NREP: variants seen among roughly 807,000 people sequenced by gnomAD.
NREP encodes neuronal regeneration related protein.
A neutral mutation model predicts 8.6 loss-of-function variants in NREP; 5 were observed. The ratio of observed to expected loss-of-function variants is 0.58; its 90% CI spans 0.30 to 1.22. NREP has a LOEUF of 1.22. Ranked by LOEUF, NREP falls within the 50% of genes most tolerant of loss-of-function variation. The probability of loss-of-function intolerance (pLI) is 0.07; values close to 1 mark genes in which losing one functional copy is unlikely to be tolerated. For missense variants in NREP, 86 were observed against 82.5 expected, an observed-to-expected ratio of 1.04 and a Z score of -0.17; for synonymous variants, 27 against 28.0, an observed-to-expected ratio of 0.96 and a Z score of 0.11.
intron 2 of NREP, among the ~76,000 whole-genome samples, chr5:111,788,090 C>T (rs1031361939): frequency 6.6e-6 from 1 of 151,974 alleles, no homozygotes; most frequent in Non-Finnish European, 1.5e-5. Context: ...GACCCTATCT[C>T]AACAACAACA....
At chr5:111,843,923 A>G (rs1753094236) in intron 2 of NREP, among the ~76,000 whole-genome samples, 1 of 152,242 alleles carries the variant, frequency 6.6e-6, no homozygotes, top group East Asian at 1.9e-4. Flanking sequence ...AAATCTGAAC[A>G]GCCTAAGTTA....
At chr5:111,959,621 A>G (rs192509160) in intron 2 of NREP, among the ~76,000 whole-genome samples, 25 of 152,148 alleles carry the variant, frequency 1.6e-4, no homozygotes, top group Admixed American at 7.2e-4. Context: ...TTTTTGACCT[A>G]TGGTCAAAAT....
chr5:111,831,278 T>A (rs1198409548), intron 2 of NREP, among the ~76,000 whole-genome samples: 1 of 152,184 alleles, frequency 6.6e-6, no homozygotes, highest in Non-Finnish European at 1.5e-5. Context: ...TCTTGGTGGC[T>A]ATCAGTGGTT....
intron 2 of NREP, among the ~76,000 whole-genome samples, chr5:111,796,364 G>T (rs546519327): frequency 1.3e-5 from 2 of 152,248 alleles, no homozygotes; most frequent in South Asian, 4.2e-4. Flanking sequence ...AGCTTTACCA[G>T]ATGTACAAAG....
intron 2 of NREP, among the ~76,000 whole-genome samples, chr5:111,821,106 A>G (rs1752504604): frequency 6.6e-6 from 1 of 152,304 alleles, no homozygotes; most frequent in South Asian, 2.1e-4. Context: ...CCACCAGACT[A>G]GATGTTAGCC....
chr5:111,748,529 T>A (rs1750152334), intron 2 of NREP, among the ~76,000 whole-genome samples: 1 of 152,144 alleles, frequency 6.6e-6, no homozygotes, highest in African/African-American at 2.4e-5. Context: ...AGATCCTAGT[T>A]AGGTATGGGA....
intron 2 of NREP, among the ~76,000 whole-genome samples, chr5:111,961,802 A>C (rs936599690): frequency 6.6e-6 from 1 of 152,238 alleles, no homozygotes; most frequent in Non-Finnish European, 1.5e-5. Context: ...GCAACAACAT[A>C]AACACATGAA....
chr5:111,732,435 C>A (rs1014729854), intron 3 of NREP: 11 of 151,764 alleles, frequency 7.2e-5, no homozygotes, highest in Admixed American at 3.3e-4. Context: ...ACATATATAA[C>A]CATGATGTAC....
chr5:111,833,053 C>T (rs1752811707), intron 2 of NREP, among the ~76,000 whole-genome samples: 2 of 152,226 alleles, frequency 1.3e-5, no homozygotes, highest in South Asian at 4.1e-4. Flanking sequence ...GACTGTACTA[C>T]TTGTGCAGAA....
At chr5:111,737,397 C>A (rs1749224335) in intron 2 of NREP, among the ~76,000 whole-genome samples, 2 of 152,084 alleles carry the variant, frequency 1.3e-5, no homozygotes, top group Non-Finnish European at 2.9e-5. Context: ...CTTTAAAAAT[C>A]ATATTTCAAG....
intron 2 of NREP, among the ~76,000 whole-genome samples, chr5:111,960,975 G>A (rs938712806): frequency 1.8e-4 from 27 of 152,156 alleles, no homozygotes; most frequent in Admixed American, 4.6e-4. Flanking sequence ...AACATTTATT[G>A]AGTCATAAAA....
intron 2 of NREP, among the ~76,000 whole-genome samples, chr5:111,877,627 C>T (rs535347355): frequency 1.3e-5 from 2 of 152,300 alleles, no homozygotes; most frequent in East Asian, 3.9e-4. Context: ...AAATATTTTA[C>T]AAAACTCAGC....
intron 2 of NREP, among the ~76,000 whole-genome samples, chr5:111,778,630 C>T (rs983818940): frequency 6.6e-6 from 1 of 152,080 alleles, no homozygotes; most frequent in African/African-American, 2.4e-5. Flanking sequence ...GTATTTCACT[C>T]CATTTCTTGG....
intron 2 of NREP, among the ~76,000 whole-genome samples, chr5:111,943,125 G>C (rs974509493): frequency 6.6e-6 from 1 of 151,736 alleles, no homozygotes; most frequent in Non-Finnish European, 1.5e-5. Context: ...ATGACAACTG[G>C]CTCCTCTTTT....
At chr5:111,900,134 C>T (rs1373230679) in intron 2 of NREP, among the ~76,000 whole-genome samples, 9 of 151,738 alleles carry the variant, frequency 5.9e-5, no homozygotes, top group Non-Finnish European at 2.9e-5. Flanking sequence ...AAATTAATAA[C>T]AAGAGAAACT....
At chr5:111,810,732 G>A (rs1435115644) in intron 2 of NREP, among the ~76,000 whole-genome samples, 1 of 152,180 alleles carries the variant, frequency 6.6e-6, no homozygotes, top group Non-Finnish European at 1.5e-5. Context: ...AAAAGTGAAT[G>A]AGCATCTTGC....
At chr5:111,914,570 C>T (rs1754998372) in intron 2 of NREP, among the ~76,000 whole-genome samples, 3 of 152,132 alleles carry the variant, frequency 2.0e-5, no homozygotes, top group Admixed American at 2.0e-4. Flanking sequence ...GGAAACCGGA[C>T]ACAGCAGTAG....
intron 2 of NREP, among the ~76,000 whole-genome samples, chr5:111,871,958 T>A (rs540289433): frequency 3.3e-4 from 49 of 150,078 alleles, no homozygotes; most frequent in Admixed American, 1.1e-3. Context: ...CATTAGCATA[T>A]ATGTGTGCTT....
intron 2 of NREP, among the ~76,000 whole-genome samples, chr5:111,877,791 G>T (rs1468090974): frequency 6.6e-6 from 1 of 151,218 alleles, no homozygotes; most frequent in Non-Finnish European, 1.5e-5. Context: ...GACTCTAAAG[G>T]GGCCCTAATT....
Sources: allele counts gnomAD v4.1 joint callset (sites outside exome capture counted in the v4.1 genomes callset), GRCh38; gene constraint gnomAD v4.1.1; transcripts MANE v1.5; gene names NCBI Gene and HGNC (gene_info 2026-07-23, HGNC 2026-07-21).